Variants in GABRB2 observed in about 807,000 individuals in gnomAD.
GABRB2 encodes the protein gamma-aminobutyric acid type A receptor subunit beta2.
In GABRB2, 16 loss-of-function variants were observed where a neutral mutation model predicts 54.7. The observed-to-expected ratio is 0.29, with a 90% CI of 0.20 to 0.44. The LOEUF (loss-of-function observed/expected upper bound fraction) is 0.44. Ranked by LOEUF, GABRB2 falls within the 20% of genes least tolerant of loss-of-function variation. GABRB2 has a pLI of 1.00. For synonymous variants in GABRB2, 244 were observed against 233.8 expected (o/e 1.04, Z -0.40); for missense variants, 355 against 644.0 (o/e 0.55, Z 4.86).
At chr5:161,502,102 A>G (rs931230691) in intron 3 of GABRB2, among the ~76,000 whole-genome samples, 1 of 150,770 alleles carries the variant, frequency 6.6e-6, no homozygotes, top group African/African-American at 2.4e-5. Flanking sequence ...TATGCATTAT[A>G]TAATTTATAA....
At chr5:161,363,487 C>T (rs1046185152) in intron 5 of GABRB2, among the ~76,000 whole-genome samples, 3 of 152,062 alleles carry the variant, frequency 2.0e-5, no homozygotes, top group African/African-American at 7.2e-5. Context: ...TGTAACAAAC[C>T]TGCACATTCT....
chr5:161,510,256 A>C (rs1581045724), intron 3 of GABRB2, among the ~76,000 whole-genome samples: 1 of 149,982 alleles, frequency 6.7e-6, no homozygotes. Flanking sequence ...CTCCCCCCCA[A>C]CCTCCCCAGC....
chr5:161,500,429 CA>C (rs1759396672), intron 3 of GABRB2, among the ~76,000 whole-genome samples: 1 of 152,076 alleles, frequency 6.6e-6, no homozygotes, highest in Non-Finnish European at 1.5e-5. Context: ...AATGGGCCTC[CA>C]TTTGATTGTT....
chr5:161,327,267 T>A (rs1304478217), intron 8 of GABRB2, among the ~76,000 whole-genome samples: 1 of 152,224 alleles, frequency 6.6e-6, no homozygotes, highest in Non-Finnish European at 1.5e-5. Context: ...AAGTGACACT[T>A]GCTTATAAAC....
At chr5:161,341,429 T>A (rs187788846) in intron 5 of GABRB2, among the ~76,000 whole-genome samples, 1 of 152,064 alleles carries the variant, frequency 6.6e-6, no homozygotes, top group Admixed American at 6.6e-5. Flanking sequence ...CATTAAATAA[T>A]TTTGTATTGT....
intron 5 of GABRB2, among the ~76,000 whole-genome samples, chr5:161,378,111 A>T (rs1328313345): frequency 6.6e-6 from 1 of 152,054 alleles, no homozygotes; most frequent in Non-Finnish European, 1.5e-5. Flanking sequence ...GAACTCTGGG[A>T]ACTCTGAAAC....
rs1754003194 is a variant in GABRB2 at position 161,336,712 on chromosome 5, G to A, written c.599C>T (p.Thr200Ile). ...TGGAAGTTCAATTTTCGTTACTCCT[G>A]TTACTGCATTATCATCGCCACGCCA... Reference protein sequence around the residue: ...FYWRGDDNAVTGVTKIELPQF... With the variant: ...FYWRGDDNAVIGVTKIELPQF... Residue 200 changes from threonine (T) to isoleucine (I), a missense_variant, in exon 6 of 10, where the codon ACA becomes ATA. Thr to Ile is a moderately conservative substitution (Grantham distance 89, BLOSUM62 -1). This residue lies in a region of GABRB2 where 30 missense variants were observed against 33.7 expected (regional missense o/e 0.89). Transcript: ENST00000393959. 6.2e-7 allele frequency: 1 copy of A among 1,611,938 alleles called. No individual in the cohort carries two copies.
At chr5:161,348,524 C>T (rs185298782) in intron 5 of GABRB2, among the ~76,000 whole-genome samples, 37 of 152,064 alleles carry the variant, frequency 2.4e-4, no homozygotes, top group Non-Finnish European at 2.4e-4. Flanking sequence ...CAAGTCAAGT[C>T]TTGTTTTTGT....
Position 161,463,562 on chromosome 5 carries a change from T to TAA in GABRB2, c.238-3719_238-3718insTT, listed in dbSNP as rs1561659390. Among the ~76,000 whole-genome samples the TAA allele has an allele frequency of 2.0e-4, 15 of 76,094 alleles. 2 individuals carry two copies. The East Asian group carries it at 4.8e-3, about 24-fold the overall frequency. The allele number at this position is 76,094 out of a possible 152,430, so 49.9% of individuals were successfully genotyped here. On this transcript the variant is annotated intron_variant, in intron 3 of 9. Transcript: ENST00000393959. ...GATTCCAAATATTTTTATTTATATA[T>TAA]ATATATATATATATATATATATATA...
intron 5 of GABRB2, among the ~76,000 whole-genome samples, chr5:161,360,476 C>A (rs1307010174): frequency 6.6e-6 from 1 of 152,134 alleles, no homozygotes; most frequent in Non-Finnish European, 1.5e-5. Flanking sequence ...ACAAGTTGTT[C>A]TCTTTTTCTC....
chr5:161,402,372 G>A (rs550118678), intron 5 of GABRB2, among the ~76,000 whole-genome samples: 1 of 152,156 alleles, frequency 6.6e-6, no homozygotes, highest in East Asian at 1.9e-4. Flanking sequence ...ATTCATATGT[G>A]TATTTAAAAA....
At chr5:161,352,065 A>C (rs1156997889) in intron 5 of GABRB2, among the ~76,000 whole-genome samples, 1 of 152,014 alleles carries the variant, frequency 6.6e-6, no homozygotes, top group Non-Finnish European at 1.5e-5. Context: ...ATTGGTGAGG[A>C]TGTGGAGAAA....
chr5:161,464,607 C>A, intron 3 of GABRB2, among the ~76,000 whole-genome samples: 1 of 152,034 alleles, frequency 6.6e-6, no homozygotes, highest in East Asian at 1.9e-4. Flanking sequence ...TTGTTTACAG[C>A]AGTTTCATTT....
At chr5:161,415,424 A>T (rs552706957) in intron 4 of GABRB2, among the ~76,000 whole-genome samples, 30 of 152,346 alleles carry the variant, frequency 2.0e-4, no homozygotes, top group African/African-American at 6.5e-4. Flanking sequence ...ATCGTAAAAT[A>T]TTAACACAGA....
intron 4 of GABRB2, among the ~76,000 whole-genome samples, chr5:161,440,181 A>G (rs964041696): frequency 1.3e-5 from 2 of 152,116 alleles, no homozygotes; most frequent in Non-Finnish European, 2.9e-5. Flanking sequence ...GAAAGAAAGA[A>G]GAGAATACCA....
intron 3 of GABRB2, among the ~76,000 whole-genome samples, chr5:161,517,227 A>C (rs1197179064): frequency 6.6e-6 from 1 of 152,180 alleles, no homozygotes; most frequent in Non-Finnish European, 1.5e-5. Flanking sequence ...ATCTTACATC[A>C]TTCTGGGAGA....
intron 3 of GABRB2, among the ~76,000 whole-genome samples, chr5:161,500,958 A>G (rs2113377708): frequency 6.6e-6 from 1 of 152,190 alleles, no homozygotes; most frequent in East Asian, 1.9e-4. Flanking sequence ...AGCATTAAGC[A>G]TATCTCCCAA....
At chr5:161,331,193 G>A in intron 7 of GABRB2, 66 bp from the exon 8 acceptor site, 1 of 1,482,162 alleles carries the variant, frequency 6.7e-7, no homozygotes, top group Non-Finnish European at 9.0e-7. Context: ...TTAATAGCTG[G>A]AAAGGTGATC....
At chr5:161,529,169 G>T (rs1474367784) in intron 3 of GABRB2, among the ~76,000 whole-genome samples, 1 of 151,896 alleles carries the variant, frequency 6.6e-6, no homozygotes, top group Non-Finnish European at 1.5e-5. Flanking sequence ...ATTTTTCAGT[G>T]TATACACAAA....
Sources: allele counts gnomAD v4.1 joint callset (sites outside exome capture counted in the v4.1 genomes callset), GRCh38; gene constraint gnomAD v4.1.1; regional missense constraint gnomAD v4.1.1; transcripts MANE v1.5; gene names NCBI Gene and HGNC (gene_info 2026-07-23, HGNC 2026-07-21).